The following ADD3 variants were observed in gnomAD, a reference collection of about 807,000 sequenced individuals.
ADD3 encodes the protein adducin 3, also known as gamma-adducin.
In ADD3, 25 loss-of-function variants were observed where a neutral mutation model predicts 80.2. That is an observed-to-expected ratio of 0.31 (90% CI 0.23 to 0.44). ADD3 has a LOEUF of 0.44. ADD3 is among the 20% of genes least tolerant of loss of function. The probability of loss-of-function intolerance (pLI) is 1.00; values close to 1 mark genes in which losing one functional copy is unlikely to be tolerated. For synonymous variants in ADD3, 284 were observed against 289.6 expected (o/e 0.98, Z 0.20); for missense variants, 829 against 847.5 (o/e 0.98, Z 0.27).
intron 1 of ADD3, among the ~76,000 whole-genome samples, chr10:110,035,096 A>G (rs1032851455): frequency 2.0e-5 from 3 of 152,252 alleles, no homozygotes; most frequent in African/African-American, 7.2e-5. Context: ...TAAAAATGGC[A>G]TGTTTAATGC....
intron 1 of ADD3, among the ~76,000 whole-genome samples, chr10:110,008,991 T>C (rs1851996215): frequency 1.3e-5 from 2 of 152,152 alleles, no homozygotes; most frequent in African/African-American, 4.8e-5. Context: ...AGGTAGGCTA[T>C]TATAGCTTAG....
chr10:110,004,889 G>A (rs1251540868), upstream of ADD3, among the ~76,000 whole-genome samples: 44 of 152,076 alleles, frequency 2.9e-4, 1 homozygote, highest in Admixed American at 2.7e-3. Flanking sequence ...AGGTGGACAC[G>A]ACACATTTTA....
chr10:110,001,359 G>A (rs1851480909), upstream of ADD3, among the ~76,000 whole-genome samples: 1 of 150,146 alleles, frequency 6.7e-6, no homozygotes, highest in African/African-American at 2.5e-5. Flanking sequence ...AAGCTGTGGT[G>A]AGCTGAAATC....
chr10:110,072,423 C>G (rs1844841035), intron 1 of ADD3, among the ~76,000 whole-genome samples: 1 of 152,136 alleles, frequency 6.6e-6, no homozygotes, highest in Non-Finnish European at 1.5e-5. Context: ...CCTGAGGGGC[C>G]CTGCCCTCAA....
At chr10:110,116,548 A>T in intron 4 of ADD3, 138 bp downstream of exon 4, 1 of 821,428 alleles carries the variant, frequency 1.2e-6, no homozygotes. Context: ...CCAAATACTG[A>T]TTTAAACCTT....
intron 2 of ADD3, 89 bp downstream of exon 2, chr10:110,100,937 T>A: frequency 8.1e-7 from 1 of 1,230,380 alleles, no homozygotes; most frequent in Non-Finnish European, 1.1e-6. Flanking sequence ...ACCCTCAGGT[T>A]AAAAGAGGGG....
intron 1 of ADD3, among the ~76,000 whole-genome samples, chr10:110,078,480 T>A (rs1407610435): frequency 6.6e-6 from 1 of 152,238 alleles, no homozygotes; most frequent in Non-Finnish European, 1.5e-5. Flanking sequence ...TTTTGAAATT[T>A]ACTTTTTAAT....
chr10:110,055,587 A>G (rs911858676), intron 1 of ADD3, among the ~76,000 whole-genome samples: 4 of 152,150 alleles, frequency 2.6e-5, no homozygotes, highest in Admixed American at 2.6e-4. Context: ...ACAAAAATGG[A>G]TAAAGTATAA....
Position 110,100,799 on chromosome 10 carries a change from T to A in ADD3, c.146T>A (p.Phe49Tyr). 1 of 1,612,986 alleles carries A rather than the reference T, an allele frequency of 6.2e-7. No individual in the cohort carries two copies. The highest frequency in any genetic ancestry group is 8.5e-7 in the Non-Finnish European group (1 of 1,179,554). ...ATGTCTCCTGATCTACGACAAGACT[T>A]CAACATGATGGAGCAGAGGAAACGA... ...RNMSPDLRQD[F>Y]NMMEQRKRVT... The change falls in exon 2 of 15, where the codon TTC becomes TAC. Residue 49 changes from phenylalanine to tyrosine, a missense_variant. Transcript: ENST00000356080.
At chr10:110,110,335 G>A (rs919283685) in intron 2 of ADD3, among the ~76,000 whole-genome samples, 9 of 152,088 alleles carry the variant, frequency 5.9e-5, no homozygotes, top group African/African-American at 2.2e-4. Context: ...GTATGTGAGG[G>A]AGACACACTA....
intron 1 of ADD3, among the ~76,000 whole-genome samples, chr10:110,042,641 A>C (rs746470624): frequency 1.2e-4 from 18 of 151,964 alleles, no homozygotes; most frequent in Middle Eastern, 3.4e-3. Context: ...CACACTAATA[A>C]AATATTAATA....
chr10:110,019,414 G>A (rs149352177), intron 1 of ADD3, among the ~76,000 whole-genome samples: 3,263 of 151,136 alleles, frequency 0.022, 118 homozygotes, highest in African/African-American at 0.071. Context: ...GAGTGCAGTG[G>A]CGCCATCTCG....
intron 9 of ADD3, chr10:110,123,746 G>T (rs1325998020): frequency 2.8e-6 from 1 of 351,272 alleles, no homozygotes; most frequent in Non-Finnish European, 5.3e-6. Context: ...AAGCACTTCT[G>T]GTCAGCAACT....
chr10:110,073,167 G>A (rs1332992980), intron 1 of ADD3, among the ~76,000 whole-genome samples: 4 of 124,872 alleles, frequency 3.2e-5, no homozygotes, highest in Non-Finnish European at 4.7e-5. Context: ...TTTCGAGACT[G>A]GGTCTAGCTC....
upstream of ADD3, among the ~76,000 whole-genome samples, chr10:110,002,929 T>C (rs150629994): frequency 3.6e-3 from 545 of 152,342 alleles, 6 homozygotes; most frequent in African/African-American, 0.013. Context: ...CCTGATTATA[T>C]CTCCTTGGGG....
At chr10:110,116,977 C>A (rs933451394) in intron 4 of ADD3, among the ~76,000 whole-genome samples, 2 of 152,138 alleles carry the variant, frequency 1.3e-5, no homozygotes, top group Admixed American at 6.5e-5. Context: ...AGATTTTGTT[C>A]TCTTTCCTTT....
chr10:110,122,359 T>G lies in ADD3; in HGVS notation c.1143+67T>G, dbSNP rs887708094. The stretch of plus-strand genomic sequence containing the variant: ...CAGATTCAAGAGCAGATGCTTCCAT[T>G]TTTGTAGAACATGCTCCATACTCTT... On this transcript the variant is annotated intron_variant, in intron 9 of 14. Coordinates refer to ENST00000356080, the MANE Select transcript of ADD3 (RefSeq NM_016824.5). 7 of 1,454,558 alleles carry G rather than the reference T, an allele frequency of 4.8e-6. No homozygotes were observed. In the African/African-American group the frequency reaches 9.9e-5, roughly 21 times the overall value. 90.1% of individuals were successfully genotyped at this position (1,454,558 alleles called of 1,614,324 possible). A position where few individuals can be genotyped will look rare whatever the true frequency, so the allele number is the denominator to read the frequency against.
chr10:110,046,441 C>T (rs1270686254), intron 1 of ADD3, among the ~76,000 whole-genome samples: 1 of 146,380 alleles, frequency 6.8e-6, no homozygotes, highest in Non-Finnish European at 1.5e-5. Context: ...TTTTTGACTG[C>T]GTCAGAGGCT....
intron 2 of ADD3, among the ~76,000 whole-genome samples, chr10:110,111,535 T>C (rs1236191828): frequency 1.3e-5 from 2 of 152,126 alleles, no homozygotes; most frequent in African/African-American, 4.8e-5. Context: ...CTATAAACAC[T>C]GTTTCTGCCA....
Sources: allele counts gnomAD v4.1 joint callset (sites outside exome capture counted in the v4.1 genomes callset), GRCh38; gene constraint gnomAD v4.1.1; transcripts MANE v1.5; gene names NCBI Gene and HGNC (gene_info 2026-07-23, HGNC 2026-07-21).